Variants in TENM3 observed in about 807,000 individuals in gnomAD.
TENM3 encodes the protein teneurin-3.
A neutral mutation model predicts 255.1 loss-of-function variants in TENM3; 63 were observed. That is an observed-to-expected ratio of 0.25 (90% CI 0.20 to 0.30). The LOEUF (loss-of-function observed/expected upper bound fraction) is 0.30, where lower values mean the gene tolerates loss of function less well. Ranked by LOEUF, TENM3 falls within the 10% of genes least tolerant of loss-of-function variation. TENM3 has a pLI of 1.00. For synonymous variants in TENM3, 1,306 were observed against 1,322.3 expected (o/e 0.99, Z 0.27); for missense variants, 2,929 against 3,461.1 (o/e 0.85, Z 3.86).
the TENM3 span, among the ~76,000 whole-genome samples, chr4:181,608,416 C>A: frequency 0.022 from 3,311 of 152,138 alleles, 54 homozygotes; most frequent in Middle Eastern, 0.065. Flanking sequence ...CTTTTGTGTT[C>A]ATTGATGTAG....
intron 1 of TENM3, among the ~76,000 whole-genome samples, chr4:182,312,080 C>T (rs1762481550): frequency 6.6e-6 from 1 of 152,208 alleles, no homozygotes; most frequent in Admixed American, 6.5e-5. Context: ...ATGACTTGAA[C>T]ATTTTTATTA....
the TENM3 span, among the ~76,000 whole-genome samples, chr4:181,507,823 C>T: frequency 1.3e-5 from 2 of 151,808 alleles, no homozygotes; most frequent in Non-Finnish European, 2.9e-5. Context: ...AATTAAAGAA[C>T]ATTGCTTAGG....
At chr4:181,685,522 A>G in the TENM3 span, among the ~76,000 whole-genome samples, 1 of 152,204 alleles carries the variant, frequency 6.6e-6, no homozygotes, top group East Asian at 1.9e-4. Context: ...TTACAATTTT[A>G]TAAGAATTTT....
chr4:182,287,714 C>T (rs62352260), intron 1 of TENM3, among the ~76,000 whole-genome samples: 5 of 150,976 alleles, frequency 3.3e-5, no homozygotes, highest in Non-Finnish European at 4.4e-5. Flanking sequence ...CCCAGGTTGA[C>T]GCCATTCTCC....
chr4:182,176,116 T>C (rs572815875), intron 1 of TENM3, among the ~76,000 whole-genome samples: 2 of 151,090 alleles, frequency 1.3e-5, no homozygotes, highest in East Asian at 1.9e-4. Context: ...TTCTTTAAGG[T>C]CACATACTGT....
chr4:181,754,099 T>C, the TENM3 span, among the ~76,000 whole-genome samples: 1 of 152,178 alleles, frequency 6.6e-6, no homozygotes, highest in Non-Finnish European at 1.5e-5. Flanking sequence ...ATGCTATAAA[T>C]CAGTTTACTA....
At chr4:181,663,443 C>T in the TENM3 span, among the ~76,000 whole-genome samples, 5 of 152,114 alleles carry the variant, frequency 3.3e-5, no homozygotes, top group Non-Finnish European at 7.3e-5. Context: ...TCTTATAGCA[C>T]AAATAATTTG....
intron 1 of TENM3, among the ~76,000 whole-genome samples, chr4:182,177,326 A>G (rs1351092499): frequency 6.6e-6 from 1 of 152,006 alleles, no homozygotes; most frequent in Non-Finnish European, 1.5e-5. Flanking sequence ...CACTTTCTCA[A>G]TCTAAAAAAT....
chr4:182,760,901 G>A (rs1202424477), intron 22 of TENM3, among the ~76,000 whole-genome samples: 7 of 152,152 alleles, frequency 4.6e-5, no homozygotes, highest in Admixed American at 6.5e-5. Context: ...CATGTGCTAC[G>A]CCTAAGCCTA....
chr4:182,527,714 T>G (rs554855061), intron 3 of TENM3, among the ~76,000 whole-genome samples: 7 of 148,752 alleles, frequency 4.7e-5, no homozygotes, highest in South Asian at 4.4e-4. Context: ...TTTGTTTTTT[T>G]TGGTTGTTGT....
At chr4:182,723,116 A>G (rs1759883122) in intron 13 of TENM3, among the ~76,000 whole-genome samples, 1 of 152,246 alleles carries the variant, frequency 6.6e-6, no homozygotes, top group African/African-American at 2.4e-5. Context: ...CTAGAAGGCA[A>G]TTGGTGGCTT....
rs1771805040 is a variant in TENM3, at chr4:182,433,343, TA to T, written c.511+86415del. ...GAAGAGGACTATTTCAGCTTTACAA[TA>T]GGTGCTTGTGGGACATCCTACAGAA... is the stretch of plus-strand genomic sequence containing the variant. On this transcript the variant is annotated intron_variant, in intron 3 of 27. Coordinates refer to ENST00000511685, the MANE Select transcript of TENM3 (RefSeq NM_001080477.4). Among the ~76,000 whole-genome samples the T allele has an allele frequency of 3.3e-5, 5 of 152,140 alleles. No homozygotes were observed. In the South Asian group the frequency reaches 1.0e-3, roughly 32 times the overall value.
At chr4:182,320,093 A>G (rs1204254431) in intron 1 of TENM3, among the ~76,000 whole-genome samples, 2 of 138,928 alleles carry the variant, frequency 1.4e-5, no homozygotes, top group Non-Finnish European at 3.1e-5. Flanking sequence ...AGCCTGAGTG[A>G]AAGAGTGAAA....
chr4:182,678,681 C>G (rs916981071), intron 7 of TENM3, among the ~76,000 whole-genome samples: 1 of 152,218 alleles, frequency 6.6e-6, no homozygotes, highest in Admixed American at 6.5e-5. Flanking sequence ...ATGTTAAAGC[C>G]TTCCTACGAG....
chr4:182,487,458 G>T (rs988471703), intron 3 of TENM3, among the ~76,000 whole-genome samples: 3 of 152,062 alleles, frequency 2.0e-5, no homozygotes, highest in Admixed American at 1.3e-4. Context: ...GCAAAATAAT[G>T]TGCATTTGGT....
chr4:181,696,862 C>A, the TENM3 span, among the ~76,000 whole-genome samples: 2 of 152,274 alleles, frequency 1.3e-5, no homozygotes, highest in Admixed American at 1.3e-4. Flanking sequence ...ACTCTGACCC[C>A]ACAAAGGTAT....
chr4:182,125,200 T>C, the TENM3 span, among the ~76,000 whole-genome samples: 5,246 of 74,542 alleles, frequency 0.07, 50 homozygotes, highest in Middle Eastern at 0.19. Flanking sequence ...CCTGCTGGGA[T>C]GGTGAATCTT....
the TENM3 span, among the ~76,000 whole-genome samples, chr4:181,720,414 T>A: frequency 6.6e-6 from 1 of 152,362 alleles, no homozygotes; most frequent in East Asian, 1.9e-4. Context: ...GTAAGAGTAT[T>A]ACATTCCAGT....
the TENM3 span, among the ~76,000 whole-genome samples, chr4:181,968,372 C>T: frequency 2.6e-5 from 4 of 152,154 alleles, no homozygotes; most frequent in Admixed American, 6.5e-5. Flanking sequence ...ATTCGGGCCG[C>T]GGTTGTCACT....
Sources: gnomAD v4.1 joint callset for allele counts (sites outside exome capture counted in the v4.1 genomes callset) on GRCh38, gnomAD v4.1.1 for gene constraint, MANE v1.5 for transcripts, NCBI Gene and HGNC (gene_info 2026-07-23, HGNC 2026-07-21) for gene names.